The following CHN2 variants were observed in gnomAD, a reference collection of about 807,000 sequenced individuals.
CHN2 encodes chimerin 2.
Under a neutral mutation model 56.3 loss-of-function variants are expected in CHN2, and 35 were observed. The observed-to-expected ratio is 0.62, with a 90% CI of 0.47 to 0.82. The LOEUF (loss-of-function observed/expected upper bound fraction) is 0.82. Ranked by LOEUF, CHN2 falls within the 40% of genes least tolerant of loss-of-function variation. The pLI, the probability that CHN2 is intolerant of heterozygous loss-of-function variation, is 0.00. For synonymous variants in CHN2, 210 were observed against 212.8 expected (o/e 0.99, Z 0.12); for missense variants, 491 against 580.5 (o/e 0.85, Z 1.58).
At chr7:29,323,952 A>C (rs1211989277) in intron 1 of CHN2, among the ~76,000 whole-genome samples, 2 of 151,826 alleles carry the variant, frequency 1.3e-5, no homozygotes, top group East Asian at 1.9e-4. Context: ...TGCAGTGAGC[A>C]GAGATTGTGC....
intron 6 of CHN2, among the ~76,000 whole-genome samples, chr7:29,405,706 A>G (rs1357923998): frequency 6.6e-6 from 1 of 152,122 alleles, no homozygotes; most frequent in African/African-American, 2.4e-5. Context: ...TTACAGATGA[A>G]CTGTTTCATC....
At chr7:29,399,992 T>C (rs1267654714) in intron 5 of CHN2, among the ~76,000 whole-genome samples, 1 of 152,102 alleles carries the variant, frequency 6.6e-6, no homozygotes, top group Non-Finnish European at 1.5e-5. Context: ...TTAGCACACC[T>C]TATTGCTTCC....
intron 6 of CHN2, among the ~76,000 whole-genome samples, chr7:29,477,826 TGCA>T (rs1786726556): frequency 6.6e-6 from 1 of 152,226 alleles, no homozygotes; most frequent in Non-Finnish European, 1.5e-5. Context: ...CCCCGCACCA[TGCA>T]GTCCTCTTTG....
intron 7 of CHN2, among the ~76,000 whole-genome samples, chr7:29,485,610 G>A (rs907863447): frequency 3.3e-5 from 5 of 152,158 alleles, no homozygotes; most frequent in African/African-American, 4.8e-5. Flanking sequence ...GTTATACAGG[G>A]GAAAGAAAGA....
At chr7:29,492,652 C>CTA (rs1788789417) in intron 7 of CHN2, among the ~76,000 whole-genome samples, 1 of 152,204 alleles carries the variant, frequency 6.6e-6, no homozygotes, top group South Asian at 2.1e-4. Flanking sequence ...CTCCCTTGAG[C>CTA]TATCCTCTGT....
chr7:29,241,500 A>T (rs1584839533), intron 1 of CHN2, among the ~76,000 whole-genome samples: 1 of 150,546 alleles, frequency 6.6e-6, no homozygotes, highest in African/African-American at 2.5e-5. Context: ...TTCTCTGGGG[A>T]CCCTCTCCCG....
chr7:29,231,586 A>G (rs776298044), intron 1 of CHN2, among the ~76,000 whole-genome samples: 1 of 152,202 alleles, frequency 6.6e-6, no homozygotes, highest in East Asian at 1.9e-4. Context: ...CAAAGATTGC[A>G]TAGGGGCACT....
intron 1 of CHN2, among the ~76,000 whole-genome samples, chr7:29,233,825 A>ATT (rs1175429614): frequency 0.016 from 840 of 53,172 alleles, 180 homozygotes; most frequent in South Asian, 0.021. Flanking sequence ...CAACACCTTG[A>ATT]TTTTTTTTTT....
chr7:29,295,465 T>TA (rs922939092), intron 1 of CHN2, among the ~76,000 whole-genome samples: 48 of 144,496 alleles, frequency 3.3e-4, no homozygotes, highest in Admixed American at 4.8e-4. Context: ...ACAACCCCTT[T>TA]AAAAAAAAAA....
At position 29,489,449 on chromosome 7, in the gene CHN2, G is replaced by A. The variant is rs1585593775; in HGVS notation, c.655-6503G>A. On this transcript the variant is annotated intron_variant, in intron 7 of 12. Transcript: ENST00000222792. ...AGCCGACCAGTGAATTTTAAGATAC[G>A]GTATATTTCAATGAAAGAGTAGACA... Among the ~76,000 whole-genome samples the A allele has an allele frequency of 3.9e-5, 6 of 152,226 alleles. No individual in the cohort carries two copies. The South Asian group carries it at 1.0e-3, about 26-fold the overall frequency.
intron 1 of CHN2, among the ~76,000 whole-genome samples, chr7:29,221,544 T>C (rs1463853945): frequency 1.3e-5 from 2 of 152,190 alleles, no homozygotes; most frequent in Admixed American, 1.3e-4. Context: ...CATGGTGGTT[T>C]GCTACACAGA....
chr7:29,272,584 G>T (rs914548353), intron 1 of CHN2, among the ~76,000 whole-genome samples: 2 of 152,104 alleles, frequency 1.3e-5, no homozygotes, highest in Non-Finnish European at 2.9e-5. Flanking sequence ...GCTTCCACTG[G>T]GTTAAAAAGA....
At chr7:29,478,451 T>A (rs1230813261) in intron 6 of CHN2, among the ~76,000 whole-genome samples, 1 of 152,044 alleles carries the variant, frequency 6.6e-6, no homozygotes. Flanking sequence ...CTGAGTTATG[T>A]GGGGAAAGAA....
intron 12 of CHN2, among the ~76,000 whole-genome samples, chr7:29,510,064 C>A (rs1309044988): frequency 6.6e-6 from 1 of 152,104 alleles, no homozygotes; most frequent in Non-Finnish European, 1.5e-5. Flanking sequence ...CTGTTGCTTG[C>A]CCCTTTCCAG....
At chr7:29,337,916 T>C (rs1796747792) in intron 1 of CHN2, among the ~76,000 whole-genome samples, 2 of 151,940 alleles carry the variant, frequency 1.3e-5, no homozygotes, top group Non-Finnish European at 2.9e-5. Flanking sequence ...AAGCAAGTGA[T>C]AAGAAACCAC....
intron 1 of CHN2, chr7:29,213,197 G>T: frequency 1.6e-6 from 2 of 1,262,482 alleles, no homozygotes; most frequent in African/African-American, 1.5e-5. Flanking sequence ...CCACGAACAC[G>T]CAACCTGAAG....
chr7:29,404,709 T>C (rs1802489318), intron 6 of CHN2, among the ~76,000 whole-genome samples: 1 of 152,166 alleles, frequency 6.6e-6, no homozygotes, highest in African/African-American at 2.4e-5. Flanking sequence ...ATATTTTTAT[T>C]GATTTTTATT....
chr7:29,345,320 C>T (rs1445270455), intron 1 of CHN2, among the ~76,000 whole-genome samples: 3 of 152,174 alleles, frequency 2.0e-5, no homozygotes, highest in Admixed American at 1.3e-4. Flanking sequence ...AAAACGTAAA[C>T]AAAGAAATAT....
chr7:29,222,186 A>C (rs1204407571), intron 1 of CHN2, among the ~76,000 whole-genome samples: 1 of 152,194 alleles, frequency 6.6e-6, no homozygotes, highest in Non-Finnish European at 1.5e-5. Context: ...GGAGAACTAC[A>C]AACCACTGCT....
Sources: gnomAD v4.1 joint callset for allele counts (sites outside exome capture counted in the v4.1 genomes callset) on GRCh38, gnomAD v4.1.1 for gene constraint, MANE v1.5 for transcripts, NCBI Gene and HGNC (gene_info 2026-07-23, HGNC 2026-07-21) for gene names.